The following CDH18 variants were observed in gnomAD, a reference collection of about 807,000 sequenced individuals.
The protein encoded by CDH18 is cadherin 18, also known as cadherin-18.
Under a neutral mutation model 67.9 loss-of-function variants are expected in CDH18, and 31 were observed. That is an observed-to-expected ratio of 0.46 (90% CI 0.34 to 0.62). CDH18 has a LOEUF of 0.62. Among genes scored for constraint, CDH18 ranks in the 20% least tolerant of loss-of-function variants. The pLI, the probability that CDH18 is intolerant of heterozygous loss-of-function variation, is 0.01. For missense variants in CDH18, 890 were observed against 975.5 expected, an observed-to-expected ratio of 0.91 and a Z score of 1.17; for synonymous variants, 362 against 347.2, an observed-to-expected ratio of 1.04 and a Z score of -0.48.
intron 5 of CDH18, among the ~76,000 whole-genome samples, chr5:19,638,546 G>GT (rs67949388): frequency 1.3e-4 from 19 of 149,426 alleles, no homozygotes; most frequent in Admixed American, 6.0e-4. Flanking sequence ...TCTTTACTAA[G>GT]TTTTTTTTTT....
At chr5:19,850,016 CATG>C (rs1783516605) in intron 2 of CDH18, among the ~76,000 whole-genome samples, 2 of 151,708 alleles carry the variant, frequency 1.3e-5, no homozygotes, top group South Asian at 4.1e-4. Context: ...GGATTTGAAT[CATG>C]ATGCTTTTGT....
Position 20,511,231 on chromosome 5 carries a change from C to T in CDH18, c.-580+64231G>A, listed in dbSNP as rs547516512. Reference sequence around the variant, plus strand: ...AAAAAGCTTTTACTTTATATTACAACGAAGTGTCAGCACTCATTAGATAGA... The same window carrying T: ...AAAAAGCTTTTACTTTATATTACAATGAAGTGTCAGCACTCATTAGATAGA... On this transcript the variant is annotated intron_variant, in intron 1 of 14. Coordinates refer to the CDH18 transcript ENST00000507958. 1.2e-4 allele frequency among the ~76,000 whole-genome samples: 18 copies of T among 152,202 alleles called. 1 individual carries two copies. In the South Asian group the frequency reaches 2.9e-3, roughly 25 times the overall value.
chr5:19,728,536 G>GT (rs1767158251), intron 4 of CDH18, among the ~76,000 whole-genome samples: 1 of 152,138 alleles, frequency 6.6e-6, no homozygotes, highest in South Asian at 2.1e-4. Context: ...CTTTTCGTTT[G>GT]TTTTTTGGTA....
chr5:20,252,383 C>G (rs1301991334), intron 2 of CDH18, among the ~76,000 whole-genome samples: 2 of 151,696 alleles, frequency 1.3e-5, no homozygotes, highest in East Asian at 1.9e-4. Flanking sequence ...AAAAATCACT[C>G]ATCAAAATAG....
intron 1 of CDH18, among the ~76,000 whole-genome samples, chr5:20,442,205 T>C (rs1028364336): frequency 7.2e-5 from 11 of 151,848 alleles, no homozygotes; most frequent in South Asian, 4.1e-4. Context: ...TACACTGTCA[T>C]TGGCATCCTG....
intron 3 of CDH18, among the ~76,000 whole-genome samples, chr5:19,781,482 G>C (rs1775104567): frequency 6.6e-6 from 1 of 152,050 alleles, no homozygotes; most frequent in Non-Finnish European, 1.5e-5. Context: ...ACAAAGAGCA[G>C]GTGTAAGCAG....
chr5:20,144,470 C>T (rs74767736), intron 2 of CDH18, among the ~76,000 whole-genome samples: 1,700 of 152,202 alleles, frequency 0.011, 38 homozygotes, highest in African/African-American at 0.039. Context: ...AGGAAGATAA[C>T]TTGTCTGGCT....
intron 8 of CDH18, among the ~76,000 whole-genome samples, chr5:19,555,082 T>A (rs2127168912): frequency 6.6e-6 from 1 of 152,258 alleles, no homozygotes; most frequent in East Asian, 1.9e-4. Flanking sequence ...GAAATAAGCA[T>A]CAAAATTGTA....
intron 2 of CDH18, among the ~76,000 whole-genome samples, chr5:20,222,756 G>T (rs910960727): frequency 6.6e-6 from 1 of 151,566 alleles, no homozygotes; most frequent in African/African-American, 2.4e-5. Context: ...TTAGCCTCCA[G>T]GTAAATTCCT....
chr5:20,378,345 G>A (rs1486542372), intron 1 of CDH18, among the ~76,000 whole-genome samples: 1 of 151,840 alleles, frequency 6.6e-6, no homozygotes, highest in South Asian at 2.1e-4. Context: ...CTAATTTTTG[G>A]TATTTTTAGT....
intron 2 of CDH18, among the ~76,000 whole-genome samples, chr5:20,086,955 T>A (rs1745008052): frequency 6.6e-6 from 1 of 152,210 alleles, no homozygotes; most frequent in African/African-American, 2.4e-5. Flanking sequence ...ATGCTATAGC[T>A]GCCATAAATA....
chr5:20,555,746 CT>C (rs567092272), intron 1 of CDH18, among the ~76,000 whole-genome samples: 280 of 144,312 alleles, frequency 1.9e-3, no homozygotes, highest in Middle Eastern at 3.7e-3. Context: ...ATCACCCCTG[CT>C]TTTTTTTTTT....
intron 1 of CDH18, among the ~76,000 whole-genome samples, chr5:20,336,493 C>T (rs558021622): frequency 4.3e-4 from 66 of 151,862 alleles, no homozygotes; most frequent in Non-Finnish European, 7.5e-4. Flanking sequence ...GAGGCCAAGG[C>T]GGGCGGATCA....
intron 3 of CDH18, among the ~76,000 whole-genome samples, chr5:19,807,939 A>ACAT (rs1244635147): frequency 6.6e-6 from 1 of 152,180 alleles, no homozygotes; most frequent in Non-Finnish European, 1.5e-5. Context: ...ACAATGTGTA[A>ACAT]CATAGTGACC....
chr5:20,501,591 ATAT>A lies in CDH18; in HGVS notation c.-580+73868_-580+73870del, dbSNP rs376649430. Among the ~76,000 whole-genome samples, 141 of 14,744 alleles carry A rather than the reference ATAT, an allele frequency of 9.6e-3. 4 individuals are homozygous for A. The highest frequency in any genetic ancestry group is 0.018 in the African/African-American group (101 of 5,770). 9.7% of individuals were successfully genotyped at this position (14,744 alleles called of 152,430 possible). On this transcript the variant is annotated intron_variant, in intron 1 of 14. Coordinates refer to the CDH18 transcript ENST00000507958. Reference sequence around the variant, plus strand: ...TATAATATATATATATTATATATATATATTATATATATATATATATATATGGAG... The same window carrying A: ...TATAATATATATATATTATATATATATATATATATATATATATATATGGAG...
At chr5:19,833,345 G>T (rs2082676886) in intron 3 of CDH18, among the ~76,000 whole-genome samples, 1 of 152,090 alleles carries the variant, frequency 6.6e-6, no homozygotes, top group South Asian at 2.1e-4. Flanking sequence ...GTAAAGGAAT[G>T]CTTGTGATGT....
chr5:19,915,472 C>T (rs1791659878), intron 2 of CDH18, among the ~76,000 whole-genome samples: 1 of 152,018 alleles, frequency 6.6e-6, no homozygotes, highest in African/African-American at 2.4e-5. Context: ...GATAATTTAA[C>T]CAGTAAAATA....
intron 2 of CDH18, among the ~76,000 whole-genome samples, chr5:20,199,049 G>C (rs6869468): frequency 0.51 from 77,513 of 152,126 alleles, 20,154 homozygotes; most frequent in Middle Eastern, 0.65. Context: ...CCCTCATGAA[G>C]AACCTTTGCT....
intron 1 of CDH18, among the ~76,000 whole-genome samples, chr5:20,260,662 A>G (rs1462320017): frequency 1.3e-5 from 2 of 152,174 alleles, no homozygotes; most frequent in African/African-American, 4.8e-5. Context: ...GGATCTAAGA[A>G]TATGATGGGA....
Sources: gnomAD v4.1 joint callset for allele counts (sites outside exome capture counted in the v4.1 genomes callset) on GRCh38, gnomAD v4.1.1 for gene constraint, MANE v1.5 for transcripts, NCBI Gene and HGNC (gene_info 2026-07-23, HGNC 2026-07-21) for gene names.